The following ACSL5 variants were observed in gnomAD, a reference collection of about 807,000 sequenced individuals.
ACSL5 encodes the protein acyl-CoA synthetase long chain family member 5.
A neutral mutation model predicts 84.9 loss-of-function variants in ACSL5; 50 were observed. That is an observed-to-expected ratio of 0.59 (90% confidence interval 0.47 to 0.75). The LOEUF (loss-of-function observed/expected upper bound fraction) is 0.75, where lower values mean the gene tolerates loss of function less well. Ranked by LOEUF, ACSL5 falls within the 30% of genes least tolerant of loss-of-function variation. The pLI is 0.00. For synonymous variants in ACSL5, 280 were observed against 300.7 expected (o/e 0.93, Z 0.71); for missense variants, 775 against 830.4 (o/e 0.93, Z 0.82).
intron 14 of ACSL5, chr10:112,419,524 T>G (rs560914434): frequency 1.3e-5 from 2 of 152,336 alleles, no homozygotes; most frequent in South Asian, 4.1e-4. Flanking sequence ...ATGTTTGCAT[T>G]ATAAAACAGT....
intron 11 of ACSL5, 32 bp from the exon 12 acceptor site, chr10:112,413,141 C>G (rs1844224254): frequency 6.2e-7 from 1 of 1,612,090 alleles, no homozygotes; most frequent in Non-Finnish European, 8.5e-7. Context: ...GGTTGTTTGC[C>G]TCTAAGCTCT....
At chr10:112,402,944 C>A (rs1184300441) in intron 3 of ACSL5, among the ~76,000 whole-genome samples, 2 of 152,232 alleles carry the variant, frequency 1.3e-5, no homozygotes, top group Admixed American at 1.3e-4. Flanking sequence ...AGCTGAGATG[C>A]CATTTATTCT....
chr10:112,399,964 T>A (rs1369143950), intron 3 of ACSL5, among the ~76,000 whole-genome samples: 1 of 152,250 alleles, frequency 6.6e-6, no homozygotes, highest in Non-Finnish European at 1.5e-5. Flanking sequence ...TTGGTTGTTC[T>A]ATTTTAGGTT....
Position 112,411,436 on chromosome 10 carries a change from C to T in ACSL5, c.797-20C>T. On this transcript the variant is annotated intron_variant, in intron 9 of 20. Transcript: ENST00000354655. ...TTAGCTACATAAAGTATCTTTCTCT[C>T]CACCTCTTATTTCCTACAGGTGACC... 7 of 1,591,460 alleles carry T rather than the reference C, an allele frequency of 4.4e-6. No homozygotes were observed. The highest frequency in any genetic ancestry group is 6.0e-6 in the Non-Finnish European group (7 of 1,159,596).
At chr10:112,381,750 C>T (rs1038886915) in intron 1 of ACSL5, among the ~76,000 whole-genome samples, 7 of 151,378 alleles carry the variant, frequency 4.6e-5, no homozygotes, top group African/African-American at 1.2e-4. Flanking sequence ...GGGTGGATCA[C>T]GAGGTCAGGA....
intron 1 of ACSL5, among the ~76,000 whole-genome samples, chr10:112,386,038 G>A (rs1849444470): frequency 6.6e-6 from 1 of 151,990 alleles, no homozygotes; most frequent in African/African-American, 2.4e-5. Flanking sequence ...AGTTGTCTCA[G>A]TACGTTTATT....
chr10:112,404,528 GGA>G lies in ACSL5; in HGVS notation c.284_285del (p.Gly95ValfsTer2). The stretch of plus-strand genomic sequence containing the variant: ...GTTTTTAGACAATGGGCCCTGCTTG[GGA>G]TATAGAAAACCAAACCAGCCCTACA... ...LAVSDNGPCL[G>X]YRKPNQPYRW... is the part of the protein sequence containing the mutation. On this transcript the variant is annotated frameshift_variant, in exon 4 of 21. Coordinates refer to ENST00000354655, the MANE Select transcript of ACSL5 (RefSeq NM_203379.2). LOFTEE classifies it high-confidence loss of function. 1.2e-6 allele frequency: 2 copies of G among 1,613,480 alleles called. No homozygotes were observed. Among genetic ancestry groups the G allele is most frequent in the Non-Finnish European group, 1.7e-6 (2 of 1,179,522 alleles).
chr10:112,426,126 AAC>A (rs1844690700), intron 18 of ACSL5, 130 bp from the exon 19 acceptor site: 2 of 657,696 alleles, frequency 3.0e-6, no homozygotes, highest in Non-Finnish European at 5.3e-6. Flanking sequence ...GTGAGAAAAG[AAC>A]ACTAGTACTG....
chr10:112,412,032 T>G, intron 11 of ACSL5, 53 bp downstream of exon 11: 1 of 1,501,908 alleles, frequency 6.7e-7, no homozygotes, highest in South Asian at 1.1e-5. Flanking sequence ...TGACTTGCTA[T>G]CACATGTTTA....
intron 1 of ACSL5, among the ~76,000 whole-genome samples, chr10:112,377,603 T>TA (rs1404048722): frequency 1.3e-5 from 2 of 151,948 alleles, no homozygotes; most frequent in African/African-American, 4.8e-5. Flanking sequence ...AAAAAAGGAG[T>TA]AATTGGTTTT....
At chr10:112,410,998 C>G (rs1844163987) in intron 9 of ACSL5, among the ~76,000 whole-genome samples, 1 of 152,116 alleles carries the variant, frequency 6.6e-6, no homozygotes, top group Admixed American at 6.6e-5. Context: ...CAACCCCACC[C>G]TACATCCACC....
chr10:112,393,372 T>G (rs926814379), intron 1 of ACSL5, among the ~76,000 whole-genome samples: 2 of 152,178 alleles, frequency 1.3e-5, no homozygotes, highest in Non-Finnish European at 2.9e-5. Context: ...GGAAAGGGAC[T>G]CTCCAAAATC....
intron 5 of ACSL5, among the ~76,000 whole-genome samples, chr10:112,407,066 C>T (rs1844056101): frequency 6.6e-6 from 1 of 152,126 alleles, no homozygotes. Context: ...GTGGAAACCC[C>T]TGGTAAACCC....
At chr10:112,404,619 T>C (rs1427962937) in intron 4 of ACSL5, 44 bp downstream of exon 4, 1 of 1,599,524 alleles carries the variant, frequency 6.3e-7, no homozygotes, top group Admixed American at 1.7e-5. Flanking sequence ...TCTAACATAG[T>C]ATTCTGAACT....
At chr10:112,420,761 A>C (rs1844438845) in intron 14 of ACSL5, among the ~76,000 whole-genome samples, 1 of 150,610 alleles carries the variant, frequency 6.6e-6, no homozygotes, top group African/African-American at 2.4e-5. Flanking sequence ...TCACTGTGTC[A>C]CCCAGGCTGG....
intron 1 of ACSL5, among the ~76,000 whole-genome samples, chr10:112,386,904 G>T (rs1244008408): frequency 6.6e-6 from 1 of 152,036 alleles, no homozygotes; most frequent in Non-Finnish European, 1.5e-5. Flanking sequence ...TTAGTAACTG[G>T]CCACCTCCAA....
At chr10:112,375,761 T>C (rs747943681) in intron 1 of ACSL5, among the ~76,000 whole-genome samples, 9 of 152,196 alleles carry the variant, frequency 5.9e-5, no homozygotes, top group African/African-American at 1.9e-4. Context: ...ACCATGCCAA[T>C]TGAACGACTC....
At chr10:112,397,313 G>A (rs1490008396) in intron 2 of ACSL5, among the ~76,000 whole-genome samples, 2 of 151,934 alleles carry the variant, frequency 1.3e-5, no homozygotes, top group Non-Finnish European at 1.5e-5. Context: ...GGGATTACAG[G>A]TGCCTGCCAC....
In ACSL5 at chr10:112,422,004, TG is replaced by T; in HGVS notation, c.1446del (p.Met482IlefsTer6). The T allele has an allele frequency of 6.2e-7, 1 of 1,614,192 alleles. No individual in the cohort carries two copies. On this transcript the variant is annotated frameshift_variant, in exon 16 of 21. Coordinates refer to ENST00000354655, the MANE Select transcript of ACSL5 (RefSeq NM_203379.2). LOFTEE classifies it high-confidence loss of function. ...NYVKLEDVAD[M>X]NYFTVNNEGE... ...GTGAAGCTGGAAGATGTGGCTGACA[TG>T]AACTACTTTACAGTGAATAATGAAG... is the stretch of plus-strand genomic sequence containing the variant.
Sources: gnomAD v4.1 joint callset for allele counts (sites outside exome capture counted in the v4.1 genomes callset) on GRCh38, gnomAD v4.1.1 for gene constraint, MANE v1.5 for transcripts, NCBI Gene and HGNC (gene_info 2026-07-23, HGNC 2026-07-21) for gene names.